The following DGKB variants were observed in gnomAD, a reference collection of about 807,000 sequenced individuals.
DGKB encodes 90 kDa diacylglycerol kinase.
Under a neutral mutation model 114.3 loss-of-function variants are expected in DGKB, and 67 were observed. The ratio of observed to expected loss-of-function variants is 0.59; its 90% confidence interval spans 0.48 to 0.72. The LOEUF (loss-of-function observed/expected upper bound fraction) is 0.72. Ranked by LOEUF, DGKB falls within the 30% of genes least tolerant of loss-of-function variation. The probability of loss-of-function intolerance (pLI) is 0.00; values close to 1 mark genes in which losing one functional copy is unlikely to be tolerated. For missense variants in DGKB, 907 were observed against 975.2 expected (o/e 0.93, Z 0.93); for synonymous variants, 398 against 323.1 (o/e 1.23, Z -2.49).
chr7:14,700,645 T>C (rs1472114101), intron 7 of DGKB, among the ~76,000 whole-genome samples: 3 of 152,190 alleles, frequency 2.0e-5, no homozygotes, highest in Non-Finnish European at 2.9e-5. Flanking sequence ...TAATGTACCA[T>C]TATCCTACTC....
intron 2 of DGKB, among the ~76,000 whole-genome samples, chr7:14,763,505 A>G (rs1836009297): frequency 6.6e-6 from 1 of 152,144 alleles, no homozygotes; most frequent in Non-Finnish European, 1.5e-5. Flanking sequence ...ACTTAGGATC[A>G]CACAGCTAAA....
At chr7:14,913,086 G>A (rs959119304) in intron 1 of DGKB, among the ~76,000 whole-genome samples, 45 of 151,956 alleles carry the variant, frequency 3.0e-4, no homozygotes, top group Non-Finnish European at 5.6e-4. Flanking sequence ...TCTTAGCTTC[G>A]CCAGCCTCAC....
chr7:14,520,825 C>T (rs894402478), intron 20 of DGKB, among the ~76,000 whole-genome samples: 9 of 152,012 alleles, frequency 5.9e-5, no homozygotes, highest in East Asian at 5.8e-4. Flanking sequence ...TAATAGAAGT[C>T]GATAAATGCC....
At chr7:14,558,241 T>C (rs748682146) in intron 20 of DGKB, among the ~76,000 whole-genome samples, 5 of 151,580 alleles carry the variant, frequency 3.3e-5, no homozygotes, top group Non-Finnish European at 7.4e-5. Flanking sequence ...TAGTAATGAA[T>C]TTTCTCTTAG....
At chr7:14,525,613 C>T (rs1206248017) in intron 20 of DGKB, among the ~76,000 whole-genome samples, 1 of 151,932 alleles carries the variant, frequency 6.6e-6, no homozygotes, top group Non-Finnish European at 1.5e-5. Flanking sequence ...AAATTAGAGA[C>T]ATAACACTGT....
At chr7:14,847,247 C>T (rs565225004) in intron 1 of DGKB, among the ~76,000 whole-genome samples, 15 of 147,782 alleles carry the variant, frequency 1.0e-4, no homozygotes, top group African/African-American at 3.5e-4. Flanking sequence ...GCCGAGATGG[C>T]GCCACTGCAC....
chr7:14,760,442 A>T (rs1383321983), intron 2 of DGKB, among the ~76,000 whole-genome samples: 1 of 152,178 alleles, frequency 6.6e-6, no homozygotes, highest in Non-Finnish European at 1.5e-5. Context: ...AGACACTTAC[A>T]CTGCAGAGAG....
intron 1 of DGKB, among the ~76,000 whole-genome samples, chr7:14,958,033 GTTATATC>G (rs1413103662): frequency 6.6e-6 from 1 of 151,958 alleles, no homozygotes; most frequent in Non-Finnish European, 1.5e-5. Flanking sequence ...GGTAGAATCT[GTTATATC>G]TTATATGTAC....
chr7:14,690,077 T>A (rs1585682014), intron 9 of DGKB, among the ~76,000 whole-genome samples: 1 of 152,236 alleles, frequency 6.6e-6, no homozygotes, highest in Non-Finnish European at 1.5e-5. Flanking sequence ...TATTTCAAGC[T>A]AGTCTACTGC....
At chr7:14,329,763 A>G (rs957357203) in intron 23 of DGKB, among the ~76,000 whole-genome samples, 5 of 152,156 alleles carry the variant, frequency 3.3e-5, no homozygotes, top group African/African-American at 1.2e-4. Context: ...GGATAGCCTC[A>G]TATCTGGAAA....
intron 15 of DGKB, among the ~76,000 whole-genome samples, chr7:14,615,562 A>G (rs564778115): frequency 3.8e-4 from 57 of 151,984 alleles, no homozygotes; most frequent in Middle Eastern, 3.5e-3. Flanking sequence ...GGGGTAGTTA[A>G]ATGGAGAAAC....
intron 3 of DGKB, among the ~76,000 whole-genome samples, chr7:14,756,127 C>A (rs931508328): frequency 4.6e-5 from 7 of 152,038 alleles, no homozygotes; most frequent in African/African-American, 1.7e-4. Flanking sequence ...GCTTTGCAAA[C>A]AAGATCACTT....
At chr7:14,960,363 TAA>T (rs1253837373) in intron 1 of DGKB, among the ~76,000 whole-genome samples, 2 of 151,980 alleles carry the variant, frequency 1.3e-5, no homozygotes, top group African/African-American at 4.8e-5. Flanking sequence ...AGTTTTCACC[TAA>T]AAAGTTTTTT....
intron 13 of DGKB, among the ~76,000 whole-genome samples, chr7:14,646,956 GA>G (rs1474136964): frequency 2.7e-5 from 4 of 150,720 alleles, no homozygotes; most frequent in Non-Finnish European, 4.4e-5. Flanking sequence ...ATTTATGGAA[GA>G]AAAAAATAAT....
intron 3 of DGKB, 127 bp downstream of exon 3, chr7:14,757,528 T>TC: frequency 1.8e-6 from 1 of 568,426 alleles, no homozygotes; most frequent in Non-Finnish European, 3.2e-6. Context: ...GTATCATACA[T>TC]ATATAATGTA....
chr7:14,177,131 T>A (rs936709391), intron 24 of DGKB, among the ~76,000 whole-genome samples: 2 of 152,074 alleles, frequency 1.3e-5, no homozygotes, highest in Admixed American at 6.6e-5. Context: ...TTTAAAAAAA[T>A]TCTGGATGCC....
chr7:14,961,056 C>T (rs957143152), intron 1 of DGKB, among the ~76,000 whole-genome samples: 1 of 151,878 alleles, frequency 6.6e-6, no homozygotes, highest in Non-Finnish European at 1.5e-5. Context: ...GGTGGACTGA[C>T]TAAGGAGAAA....
intron 2 of DGKB, among the ~76,000 whole-genome samples, chr7:14,776,197 T>G (rs1838150965): frequency 6.6e-6 from 1 of 152,172 alleles, no homozygotes; most frequent in Non-Finnish European, 1.5e-5. Flanking sequence ...GGAAAAAATT[T>G]CTAAGCAGCA....
chr7:14,868,272 CT>C (rs1343731422), intron 1 of DGKB, among the ~76,000 whole-genome samples: 1 of 152,126 alleles, frequency 6.6e-6, no homozygotes, highest in Admixed American at 6.6e-5. Flanking sequence ...TCACTGCCCC[CT>C]ATGCTTGCCT....
Sources: allele counts gnomAD v4.1 joint callset (sites outside exome capture counted in the v4.1 genomes callset), GRCh38; gene constraint gnomAD v4.1.1; transcripts MANE v1.5; gene names NCBI Gene and HGNC (gene_info 2026-07-23, HGNC 2026-07-21).